ITGB7: variants seen among roughly 807,000 people sequenced by gnomAD.
ITGB7 encodes integrin beta-7.
ITGB7 carries 55 observed loss-of-function variants against 83.4 expected under a neutral mutation model. That is an observed-to-expected ratio of 0.66 (90% confidence interval 0.53 to 0.83). ITGB7 has a LOEUF of 0.83. Ranked by LOEUF, ITGB7 falls within the 40% of genes least tolerant of loss-of-function variation. The pLI is 0.00. For synonymous variants in ITGB7, 454 were observed against 423.6 expected (o/e 1.07, Z -0.88); for missense variants, 921 against 1,046.7 (o/e 0.88, Z 1.66).
chr12:53,193,429 C>G, intron 11 of ITGB7, 66 bp from the exon 12 acceptor site: 1 of 1,210,960 alleles, frequency 8.3e-7, no homozygotes, highest in Non-Finnish European at 1.1e-6. Context: ...TTGTCTCTCC[C>G]AGGAACCTCT....
At position 53,201,706 on chromosome 12, in the gene ITGB7, A is replaced by G. The variant is rs145530442; in HGVS notation, c.-126-512T>C. Among the ~76,000 whole-genome samples the G allele has an allele frequency of 8.5e-5, 13 of 152,304 alleles. No homozygotes were observed. The East Asian group carries it at 2.1e-3, about 25-fold the overall frequency. ...TTATATGGAATTGCTCGGAACCCCA[A>G]ATAGCCAAAATAATCTTGTAAAAAA... On this transcript the variant is annotated intron_variant, in intron 1 of 15. Transcript: ENST00000267082.
chr12:53,202,232 G>A (rs191276958), intron 1 of ITGB7, among the ~76,000 whole-genome samples: 2 of 152,180 alleles, frequency 1.3e-5, no homozygotes, highest in East Asian at 3.9e-4. Flanking sequence ...GGTGGTGGGC[G>A]CCTGTAATCC....
At chr12:53,201,581 A>T (rs1238689003) in intron 1 of ITGB7, among the ~76,000 whole-genome samples, 6 of 152,236 alleles carry the variant, frequency 3.9e-5, no homozygotes, top group African/African-American at 9.6e-5. Context: ...TTAATTTTTT[A>T]AAATGAGCAG....
chr12:53,192,630 G>A lies in ITGB7; in HGVS notation c.1946+61C>T, dbSNP rs1941998062. ...AAGCAGGACGGAGAGTAGGCAGATG[G>A]GAGTAGCTCAACAAGCCCCACTGTG... On this transcript the variant is annotated intron_variant, in intron 13 of 15. Coordinates refer to ENST00000267082, the MANE Select transcript of ITGB7 (RefSeq NM_000889.3). The A allele has an allele frequency of 5.6e-6, 9 of 1,596,374 alleles. No homozygotes were observed. In the South Asian group the frequency reaches 7.7e-5, roughly 14 times the overall value.
chr12:53,191,917 T>C lies in ITGB7; in HGVS notation c.2258A>G (p.Tyr753Cys), dbSNP rs748392331. The C allele has an allele frequency of 6.2e-7, 1 of 1,610,890 alleles. No homozygotes were observed. Among genetic ancestry groups the C allele is most frequent in the South Asian group, 1.1e-5 (1 of 91,014 alleles). The change falls in exon 15 of 16, where the codon TAT (tyrosine) becomes TGT (cysteine). Residue 753 changes from tyrosine (Y) to cysteine (C), a missense_variant. Transcript: ENST00000267082. ...AAAGCGACTGTATTCCCGGCGGTCA[T>C]AGATTTCCACCGAGAGCCGGTAAGC... Reference protein sequence around the residue: ...VLAYRLSVEIYDRREYSRFEK... With the variant: ...VLAYRLSVEICDRREYSRFEK...
intron 11 of ITGB7, 95 bp downstream of exon 11, chr12:53,193,613 C>T: frequency 8.8e-7 from 1 of 1,130,230 alleles, no homozygotes; most frequent in South Asian, 1.6e-5. Context: ...GTCGAGGAGA[C>T]TCCTGTGGGG....
rs148514331 is a variant in ITGB7 at position 53,192,436 on chromosome 12, C to T, written c.2049G>A (p.Leu683=). 2.6e-4 allele frequency: 416 copies of T among 1,614,128 alleles called. 1 individual carries two copies. The African/African-American group carries it at 5.2e-3, about 20-fold the overall frequency. ...TNVTLALAPI[L]DDGWCKERTL... ...TCCGCTCTTTGCACCAGCCATCATC[C>T]AAGATAGGGGCCAAGGCCAGGGTCA... Residue 683 remains leucine, a synonymous_variant, in exon 14 of 16, where the codon TTG becomes TTA. Transcript: ENST00000267082.
At chr12:53,201,250 C>T (rs1380478952) in intron 1 of ITGB7, 56 bp from the exon 2 acceptor site, 1 of 152,184 alleles carries the variant, frequency 6.6e-6, no homozygotes, top group Non-Finnish European at 1.5e-5. Context: ...CTTTTACAAT[C>T]TTGGATTCTA....
At chr12:53,194,435 C>T (rs1003082418) in intron 9 of ITGB7, 91 bp from the exon 10 acceptor site, 1 of 1,339,528 alleles carries the variant, frequency 7.5e-7, no homozygotes, top group East Asian at 2.5e-5. Context: ...CCAATTCTGC[C>T]AGCACCCTGC....
chr12:53,199,775 C>T (rs540870930), intron 3 of ITGB7, among the ~76,000 whole-genome samples: 1 of 152,196 alleles, frequency 6.6e-6, no homozygotes, highest in East Asian at 1.9e-4. Context: ...CCAAATCAGC[C>T]AGCACTTTGA....
intron 1 of ITGB7, among the ~76,000 whole-genome samples, chr12:53,203,616 C>G (rs929820830): frequency 1.4e-5 from 2 of 138,284 alleles, no homozygotes; most frequent in Non-Finnish European, 3.0e-5. Context: ...CCACTGCACT[C>G]CAGCCTAGGC....
chr12:53,206,362 T>G (rs1209427387), intron 1 of ITGB7, among the ~76,000 whole-genome samples: 1 of 152,178 alleles, frequency 6.6e-6, no homozygotes, highest in Non-Finnish European at 1.5e-5. Context: ...CTAAATTCCA[T>G]GAGGCCAGGG....
At chr12:53,192,635 A>G in intron 13 of ITGB7, 56 bp downstream of exon 13, 1 of 1,597,350 alleles carries the variant, frequency 6.3e-7, no homozygotes, top group Non-Finnish European at 8.6e-7. Flanking sequence ...AGATGGGAGT[A>G]GCTCAACAAG....
intron 3 of ITGB7, 44 bp from the exon 4 acceptor site, chr12:53,197,995 G>A (rs931474998): frequency 1.4e-5 from 21 of 1,479,238 alleles, no homozygotes; most frequent in Admixed American, 2.1e-5. Context: ...TCCTGCATAG[G>A]CCCTGGGCCC....
chr12:53,206,016 G>A (rs1942435764), intron 1 of ITGB7, among the ~76,000 whole-genome samples: 1 of 152,140 alleles, frequency 6.6e-6, no homozygotes, highest in African/African-American at 2.4e-5. Context: ...CTCACAAGTG[G>A]AGCCCCGGCT....
At chr12:53,202,132 G>A (rs1219038819) in intron 1 of ITGB7, among the ~76,000 whole-genome samples, 2 of 152,168 alleles carry the variant, frequency 1.3e-5, no homozygotes, top group Non-Finnish European at 2.9e-5. Context: ...GCCGAGGCAG[G>A]TGGATCACTT....
At chr12:53,192,587 T>C (rs369894913) in intron 13 of ITGB7, 49 bp from the exon 14 acceptor site, 125 of 1,600,850 alleles carry the variant, frequency 7.8e-5, no homozygotes, top group Non-Finnish European at 1.0e-4. Flanking sequence ...TGTCACCCAA[T>C]GCCCCTTGCC....
At chr12:53,196,858 G>A (rs770845384) in intron 5 of ITGB7, 38 bp from the exon 6 acceptor site, 24 of 1,566,510 alleles carry the variant, frequency 1.5e-5, no homozygotes, top group Admixed American at 1.2e-4. Context: ...GCCAGAAGTC[G>A]CAGGGCAGCA....
At position 53,191,978 on chromosome 12, in the gene ITGB7, C is replaced by T; in HGVS notation, c.2197G>A (p.Gly733Arg). 6.2e-7 allele frequency: 1 copy of T among 1,612,698 alleles called. No homozygotes were observed. Among genetic ancestry groups the T allele is most frequent in the Non-Finnish European group, 8.5e-7 (1 of 1,179,960 alleles). ...CCCAGCCCCACTGCCACGATGCCCC[C>T]TACGCAGCCCAGCACAATGGCCTGC... is the stretch of plus-strand genomic sequence containing the variant. ...HTQAIVLGCV[G>R]GIVAVGLGLV... Residue 733 changes from glycine (G) to arginine (R), a missense_variant, in exon 15 of 16, where the codon GGG (glycine) becomes AGG (arginine). Coordinates refer to ENST00000267082, the MANE Select transcript of ITGB7 (RefSeq NM_000889.3).
Sources: gnomAD v4.1 joint callset for allele counts (sites outside exome capture counted in the v4.1 genomes callset) on GRCh38, gnomAD v4.1.1 for gene constraint, MANE v1.5 for transcripts, NCBI Gene and HGNC (gene_info 2026-07-23, HGNC 2026-07-21) for gene names.